The following FNDC3A variants were observed in gnomAD, a reference collection of about 807,000 sequenced individuals.
FNDC3A encodes fibronectin type-III domain-containing protein 3A.
A neutral mutation model predicts 148.9 loss-of-function variants in FNDC3A; 32 were observed. The ratio of observed to expected loss-of-function variants is 0.21; its 90% confidence interval spans 0.16 to 0.29. The LOEUF (loss-of-function observed/expected upper bound fraction) is 0.29. Among genes scored for constraint, FNDC3A ranks in the 10% least tolerant of loss-of-function variants. The pLI is 1.00. For missense variants in FNDC3A, 1,191 were observed against 1,452.8 expected (o/e 0.82, Z 2.93); for synonymous variants, 472 against 473.6 (o/e 1.00, Z 0.04).
chr13:49,013,622 G>GTATACATGTATACATGTACACACA (rs1952417533), intron 2 of FNDC3A, among the ~76,000 whole-genome samples: 1 of 150,536 alleles, frequency 6.6e-6, no homozygotes, highest in African/African-American at 2.4e-5. Flanking sequence ...ATGTGTACAC[G>GTATACATGTATACATGTACACACA]TGTATACATG....
intron 1 of FNDC3A, among the ~76,000 whole-genome samples, chr13:48,992,253 A>G (rs1337225750): frequency 6.6e-6 from 1 of 152,224 alleles, no homozygotes; most frequent in Non-Finnish European, 1.5e-5. Flanking sequence ...TGATTTCTTA[A>G]GTATAGCATT....
intron 8 of FNDC3A, chr13:49,146,653 C>T (rs1883013570): frequency 6.6e-6 from 1 of 152,192 alleles, no homozygotes. Flanking sequence ...AGGAGAATCG[C>T]TTGAACCTGG....
intron 8 of FNDC3A, among the ~76,000 whole-genome samples, chr13:49,149,912 G>A (rs1341027377): frequency 6.6e-6 from 1 of 152,086 alleles, no homozygotes; most frequent in Non-Finnish European, 1.5e-5. Flanking sequence ...ATTGAATCTT[G>A]GTAGGTAGTA....
intron 3 of FNDC3A, among the ~76,000 whole-genome samples, chr13:49,093,820 C>G (rs1299127736): frequency 6.6e-6 from 1 of 152,084 alleles, no homozygotes; most frequent in Non-Finnish European, 1.5e-5. Context: ...ATCTTTGAAC[C>G]TCAAGACTAT....
chr13:49,197,666 G>T, intron 20 of FNDC3A, 59 bp from the exon 21 acceptor site: 1 of 1,486,276 alleles, frequency 6.7e-7, no homozygotes, highest in Non-Finnish European at 9.1e-7. Context: ...AGCATTTTTG[G>T]CCAAAAGCTA....
chr13:49,049,482 C>T (rs1875667834), intron 2 of FNDC3A, among the ~76,000 whole-genome samples: 1 of 151,790 alleles, frequency 6.6e-6, no homozygotes, highest in Non-Finnish European at 1.5e-5. Context: ...CCAATTCAGC[C>T]TCTCTTCCTG....
intron 8 of FNDC3A, among the ~76,000 whole-genome samples, chr13:49,157,876 G>A (rs376995283): frequency 2.9e-5 from 4 of 138,866 alleles, no homozygotes; most frequent in East Asian, 2.2e-4. Flanking sequence ...CAGTCTGCCC[G>A]TTCTCAGATC....
intron 13 of FNDC3A, among the ~76,000 whole-genome samples, chr13:49,177,591 T>C (rs1260096489): frequency 6.6e-6 from 1 of 152,158 alleles, no homozygotes; most frequent in Non-Finnish European, 1.5e-5. Context: ...CAAATGTTCA[T>C]AGCAGCATTA....
chr13:49,190,526 A>C (rs972009531), intron 17 of FNDC3A, among the ~76,000 whole-genome samples: 23 of 152,224 alleles, frequency 1.5e-4, no homozygotes, highest in African/African-American at 4.6e-4. Flanking sequence ...TCTAAAAATA[A>C]ATAAATAAAT....
chr13:49,016,424 G>T (rs1309076837), intron 2 of FNDC3A, among the ~76,000 whole-genome samples: 3 of 152,146 alleles, frequency 2.0e-5, no homozygotes, highest in Non-Finnish European at 4.4e-5. Context: ...ATGGTAGTTT[G>T]TATTTCTGTG....
intron 3 of FNDC3A, among the ~76,000 whole-genome samples, chr13:49,081,841 A>G (rs1878492580): frequency 6.6e-6 from 1 of 152,168 alleles, no homozygotes; most frequent in Admixed American, 6.5e-5. Flanking sequence ...ACTTTCTTAT[A>G]TACCTTTATA....
At chr13:49,022,020 A>G (rs566379866) in intron 2 of FNDC3A, among the ~76,000 whole-genome samples, 1 of 152,362 alleles carries the variant, frequency 6.6e-6, no homozygotes, top group South Asian at 2.1e-4. Flanking sequence ...CTGGGTGAAC[A>G]ATTGTAAAAA....
At chr13:49,163,820 C>T (rs1201796103) in intron 8 of FNDC3A, among the ~76,000 whole-genome samples, 4 of 152,208 alleles carry the variant, frequency 2.6e-5, no homozygotes, top group Admixed American at 1.3e-4. Context: ...ACTATTGACA[C>T]GTGAGAGTGT....
chr13:49,161,060 T>G (rs1400262559), intron 8 of FNDC3A, among the ~76,000 whole-genome samples: 2 of 152,220 alleles, frequency 1.3e-5, no homozygotes, highest in Non-Finnish European at 2.9e-5. Context: ...AGTTTTGGAA[T>G]AAGTCTGATG....
chr13:49,196,686 T>C (rs1886171734), intron 19 of FNDC3A, among the ~76,000 whole-genome samples, 191 bp from the exon 20 acceptor site: 1 of 152,220 alleles, frequency 6.6e-6, no homozygotes, highest in African/African-American at 2.4e-5. Context: ...AACTTTAAAA[T>C]TTCTCACACC....
chr13:49,027,425 G>A (rs1357538612), intron 2 of FNDC3A, among the ~76,000 whole-genome samples: 2 of 152,176 alleles, frequency 1.3e-5, no homozygotes, highest in Non-Finnish European at 2.9e-5. Flanking sequence ...AAGAGGACCA[G>A]TAAACATAAC....
intron 3 of FNDC3A, among the ~76,000 whole-genome samples, chr13:49,083,489 T>C (rs1409192719): frequency 1.3e-5 from 2 of 151,830 alleles, no homozygotes; most frequent in Non-Finnish European, 2.9e-5. Context: ...TTAGACGGTA[T>C]TCTTTTAACA....
chr13:49,203,781 A>G (rs1886523977), intron 25 of FNDC3A, among the ~76,000 whole-genome samples: 3 of 152,228 alleles, frequency 2.0e-5, no homozygotes, highest in Admixed American at 1.3e-4. Flanking sequence ...ACGCTGAGGC[A>G]GGAACATGCC....
chr13:48,989,262 A>G (rs903300800), intron 1 of FNDC3A, among the ~76,000 whole-genome samples: 7 of 152,240 alleles, frequency 4.6e-5, no homozygotes, highest in African/African-American at 1.7e-4. Flanking sequence ...TGGAAATACA[A>G]AAATATCCAA....
Sources: allele counts gnomAD v4.1 joint callset (sites outside exome capture counted in the v4.1 genomes callset), GRCh38; gene constraint gnomAD v4.1.1; transcripts MANE v1.5; gene names NCBI Gene and HGNC (gene_info 2026-07-23, HGNC 2026-07-21).